NXPE3: variants seen among roughly 807,000 people sequenced by gnomAD.
NXPE3 encodes the protein NXPE family member 3.
Under a neutral mutation model 46.1 loss-of-function variants are expected in NXPE3, and 26 were observed. The ratio of observed to expected loss-of-function variants is 0.56; its 90% CI spans 0.41 to 0.78. The LOEUF is 0.78. NXPE3 is among the 30% of genes least tolerant of loss of function. The pLI is 0.00. For missense variants in NXPE3, 620 were observed against 686.0 expected, an observed-to-expected ratio of 0.90 and a Z score of 1.07; for synonymous variants, 272 against 257.9, an observed-to-expected ratio of 1.05 and a Z score of -0.52.
chr3:101,782,667 C>T lies in NXPE3; in HGVS notation c.-309C>T, dbSNP rs1257478850. On this transcript the variant is annotated 5_prime_UTR_variant, in exon 3 of 8. Transcript: ENST00000273347. ...CATTTTTTTTTGAGACAGAGTCCTG[C>T]TCTGTTGCCCAGGCTGGAGTACATT... The T allele has an allele frequency of 6.6e-6, 1 of 152,042 alleles. No homozygotes were observed. The highest frequency in any genetic ancestry group is 1.5e-5 in the Non-Finnish European group (1 of 68,032). 9.4% of individuals were successfully genotyped at this position (152,042 alleles called of 1,614,324 possible).
chr3:101,787,785 A>G (rs1940279578), intron 4 of NXPE3, among the ~76,000 whole-genome samples: 1 of 152,260 alleles, frequency 6.6e-6, no homozygotes. Flanking sequence ...TAGATGCTAC[A>G]GCATGTACAT....
At chr3:101,817,118 G>C (rs1942010847) in intron 7 of NXPE3, 117 bp downstream of exon 7, 5 of 866,204 alleles carry the variant, frequency 5.8e-6, no homozygotes, top group Middle Eastern at 2.5e-4. Flanking sequence ...TTCTGTGTAG[G>C]ACTAAAGAGG....
chr3:101,810,647 G>A (rs182111154), intron 6 of NXPE3, among the ~76,000 whole-genome samples: 32 of 152,240 alleles, frequency 2.1e-4, no homozygotes, highest in African/African-American at 7.5e-4. Flanking sequence ...TCCATGTGAG[G>A]GAGATTCTTT....
rs188146781 is a variant in NXPE3 at position 101,810,222 on chromosome 3, C to T, written c.922+3096C>T. Among the ~76,000 whole-genome samples the T allele has an allele frequency of 8.5e-5, 13 of 152,228 alleles. No individual in the cohort carries two copies. In the South Asian group the frequency reaches 1.5e-3, roughly 17 times the overall value. ...TTTCATTAGTACCTGTAATGTAGTC[C>T]CCAGATTATCACAGCTGAGTGGCTC... On this transcript the variant is annotated intron_variant, in intron 6 of 7. Coordinates refer to ENST00000273347, the MANE Select transcript of NXPE3 (RefSeq NM_145037.4).
At chr3:101,793,465 C>T (rs1940632026) in intron 4 of NXPE3, among the ~76,000 whole-genome samples, 1 of 151,854 alleles carries the variant, frequency 6.6e-6, no homozygotes, top group South Asian at 2.1e-4. Context: ...ACAATCTCTG[C>T]CTTTTAGTTG....
At chr3:101,816,125 C>G (rs1479375436) in intron 6 of NXPE3, among the ~76,000 whole-genome samples, 1 of 152,184 alleles carries the variant, frequency 6.6e-6, no homozygotes, top group Non-Finnish European at 1.5e-5. Flanking sequence ...GATTGTGCCA[C>G]TGCACTCCAG....
At chr3:101,811,241 G>A (rs1941692806) in intron 6 of NXPE3, among the ~76,000 whole-genome samples, 1 of 152,178 alleles carries the variant, frequency 6.6e-6, no homozygotes, top group Non-Finnish European at 1.5e-5. Flanking sequence ...TGACCTGCAG[G>A]TCTGTGGGTT....
chr3:101,816,820 A>C lies in NXPE3; in HGVS notation c.948A>C (p.Gln316His), dbSNP rs1296677988. Residue 316 changes from glutamine (Q) to histidine (H), a missense_variant, in exon 7 of 8, where the codon CAA (glutamine) becomes CAC (histidine). Transcript: ENST00000273347. ...IKETNSLELS[Q>H]GSGTFPSGYY... is the part of the protein sequence containing the mutation. ...AAACTAACAGTCTAGAACTATCTCA[A>C]GGCTCAGGAACTTTTCCTTCTGGGT... 1 of 1,613,848 alleles carries C rather than the reference A, an allele frequency of 6.2e-7. No individual in the cohort carries two copies. The highest frequency in any genetic ancestry group is 8.5e-7 in the Non-Finnish European group (1 of 1,179,884).
intron 6 of NXPE3, among the ~76,000 whole-genome samples, chr3:101,809,691 T>A (rs1213353023): frequency 6.6e-6 from 1 of 152,206 alleles, no homozygotes; most frequent in African/African-American, 2.4e-5. Flanking sequence ...GGAAAAAAAA[T>A]TATAATCCAA....
intron 3 of NXPE3, among the ~76,000 whole-genome samples, chr3:101,784,282 G>A (rs1238342139): frequency 1.3e-5 from 2 of 152,090 alleles, no homozygotes; most frequent in Non-Finnish European, 2.9e-5. Context: ...ACAAATAGAG[G>A]GAGCATGAGG....
intron 4 of NXPE3, among the ~76,000 whole-genome samples, chr3:101,786,496 G>A (rs1400481830): frequency 1.3e-5 from 2 of 152,284 alleles, no homozygotes; most frequent in Admixed American, 6.5e-5. Flanking sequence ...GGCACACTAA[G>A]GTCCTACAGA....
At position 101,801,260 on chromosome 3, in the gene NXPE3, C is replaced by T; in HGVS notation, c.119C>T (p.Ala40Val). Residue 40 changes from alanine to valine, a missense_variant, in exon 5 of 8, where the codon GCC becomes GTC. By Grantham distance (64) the Ala-to-Val change is moderately conservative (BLOSUM62 0). This residue lies in a region of NXPE3 where 511 missense variants were observed against 528.6 expected (regional missense o/e 0.97). Coordinates refer to ENST00000273347, the MANE Select transcript of NXPE3 (RefSeq NM_145037.4). Reference protein sequence around the residue: ...VEYLDHETVSATFIDSSGQFV... With the variant: ...VEYLDHETVSVTFIDSSGQFV... ...TACTTGGACCATGAGACTGTTTCAG[C>T]CACTTTCATCGACAGCAGTGGACAG... The T allele has an allele frequency of 1.2e-6, 2 of 1,612,550 alleles. 1 individual carries two copies. The highest frequency in any genetic ancestry group is 2.2e-5 in the South Asian group (2 of 90,808).
Position 101,827,064 on chromosome 3 carries a change from AAG to A in NXPE3, c.*5111_*5112del, listed in dbSNP as rs1942520306. ...ATAAATAAATAAATAAAAAATAAAA[AAG>A]TGTGAACTTAAATATATTTATATGT... is the stretch of plus-strand genomic sequence containing the variant. On this transcript the variant is annotated 3_prime_UTR_variant, in exon 8 of 8. Transcript: ENST00000273347. 6.6e-6 allele frequency: 1 copy of A among 152,138 alleles called. No individual in the cohort carries two copies. Among genetic ancestry groups the A allele is most frequent in the Admixed American group, 6.5e-5 (1 of 15,270 alleles). 9.4% of individuals were successfully genotyped at this position (152,138 alleles called of 1,614,324 possible). A position where few individuals can be genotyped will look rare whatever the true frequency, so the allele number is the denominator to read the frequency against.
rs367636027 is a variant in NXPE3, at chr3:101,799,466, G to A, written c.94-1769G>A. On this transcript the variant is annotated intron_variant, in intron 4 of 7. Coordinates refer to ENST00000273347, the MANE Select transcript of NXPE3 (RefSeq NM_145037.4). Reference sequence around the variant, plus strand: ...TTTTGAGATGGAGTCTCATTCTGTCGCCCAGCCTGGAGTGCAGTGGCGCGA... The same window carrying A: ...TTTTGAGATGGAGTCTCATTCTGTCACCCAGCCTGGAGTGCAGTGGCGCGA... 2.8e-4 allele frequency among the ~76,000 whole-genome samples: 42 copies of A among 151,808 alleles called. 1 individual carries two copies. The highest frequency in any genetic ancestry group is 1.5e-3 in the East Asian group (8 of 5,162).
chr3:101,801,194 A>G, intron 4 of NXPE3, 41 bp from the exon 5 acceptor site: 3 of 1,559,788 alleles, frequency 1.9e-6, no homozygotes, highest in South Asian at 1.2e-5. Context: ...ACAGAGACCT[A>G]TTATAGTGGT....
At chr3:101,821,360 C>A in intron 7 of NXPE3, 44 bp from the exon 8 acceptor site, 1 of 1,551,314 alleles carries the variant, frequency 6.4e-7, no homozygotes, top group Non-Finnish European at 8.8e-7. Context: ...AATATATGTG[C>A]TTGGTTTGAA....
At chr3:101,796,751 ATG>A (rs990953190) in intron 4 of NXPE3, among the ~76,000 whole-genome samples, 11 of 152,220 alleles carry the variant, frequency 7.2e-5, no homozygotes, top group African/African-American at 2.4e-4. Flanking sequence ...TAAAGTGAAA[ATG>A]TGTGTATGTT....
intron 7 of NXPE3, among the ~76,000 whole-genome samples, chr3:101,820,326 TG>T (rs1167978409): frequency 6.6e-5 from 10 of 152,150 alleles, no homozygotes; most frequent in Non-Finnish European, 1.5e-4. Context: ...ACAATGAAAT[TG>T]TGGTTCTCAC....
At chr3:101,804,576 A>G (rs1941319346) in intron 5 of NXPE3, among the ~76,000 whole-genome samples, 1 of 152,236 alleles carries the variant, frequency 6.6e-6, no homozygotes, top group Non-Finnish European at 1.5e-5. Context: ...TGAAAAGAAA[A>G]AGAAAAAGAT....
Sources: gnomAD v4.1 joint callset for allele counts (sites outside exome capture counted in the v4.1 genomes callset) on GRCh38, gnomAD v4.1.1 for gene constraint, gnomAD v4.1.1 regional missense constraint, MANE v1.5 for transcripts, NCBI Gene and HGNC (gene_info 2026-07-23, HGNC 2026-07-21) for gene names.